NEK9: variants seen among roughly 807,000 people sequenced by gnomAD.
NEK9 encodes the protein NIMA related kinase 9.
A neutral mutation model predicts 123.4 loss-of-function variants in NEK9; 75 were observed. That is an observed-to-expected ratio of 0.61 (90% confidence interval 0.50 to 0.74). The LOEUF (loss-of-function observed/expected upper bound fraction) is 0.74. Among genes scored for constraint, NEK9 ranks in the 30% least tolerant of loss-of-function variants. The probability of loss-of-function intolerance (pLI) is 0.00; values close to 1 mark genes in which losing one functional copy is unlikely to be tolerated. For missense variants in NEK9, 952 were observed against 1,214.4 expected (o/e 0.78, Z 3.21); for synonymous variants, 438 against 458.7 (o/e 0.95, Z 0.58).
At chr14:75,123,942 A>C (rs914993997) in intron 2 of NEK9, 104 bp downstream of exon 2, 2 of 937,812 alleles carry the variant, frequency 2.1e-6, no homozygotes, top group African/African-American at 3.2e-5. Context: ...AAATTCATTT[A>C]AAGTTTTTAT....
intron 1 of NEK9, among the ~76,000 whole-genome samples, chr14:75,124,766 G>A (rs1293014662): frequency 7.0e-6 from 1 of 143,108 alleles, no homozygotes; most frequent in East Asian, 2.2e-4. Context: ...AGCTCCTGAT[G>A]TCTACTATCT....
In NEK9 at chr14:75,106,698, C is replaced by T; in HGVS notation, c.1332G>A (p.Glu444=). The T allele has an allele frequency of 6.2e-7, 1 of 1,607,362 alleles. No homozygotes were observed. The highest frequency in any genetic ancestry group is 1.1e-5 in the South Asian group (1 of 90,674). ...CTGATCCGAAGGCATAGAGCTGACC[C>T]TCATCTGCAAAAGAAAGGAAAACAG... The part of the protein sequence containing the change: ...GDDFTVCVTD[E]GQLYAFGSDY... Residue 444 remains glutamate (E), a synonymous_variant, in exon 12 of 22, where the codon GAG becomes GAA. Transcript: ENST00000238616.
At chr14:75,084,801 G>T in intron 21 of NEK9, 115 bp from the exon 22 acceptor site, 1 of 1,335,874 alleles carries the variant, frequency 7.5e-7, no homozygotes, top group Non-Finnish European at 1.0e-6. Context: ...CGTGGCTAAG[G>T]ATTTGTAGCC....
intron 9 of NEK9, 66 bp downstream of exon 9, chr14:75,110,255 C>T (rs1300957062): frequency 2.4e-6 from 3 of 1,264,640 alleles, no homozygotes; most frequent in African/African-American, 3.0e-5. Flanking sequence ...AATGCCTACA[C>T]TCAAGAAAGA....
At chr14:75,106,308 C>T in intron 12 of NEK9, 194 bp downstream of exon 12, 1 of 604,296 alleles carries the variant, frequency 1.7e-6, no homozygotes, top group South Asian at 2.0e-5. Context: ...GCAATGAGCC[C>T]AGATCATGCC....
chr14:75,105,933 GT>G lies in NEK9; in HGVS notation c.1575+16del, dbSNP rs756448513. ...GACTTAAGATAGGTTTTAGAAATAA[GT>G]TGCTTCTGATTTTACCTTTTGTGGT... On this transcript the variant is annotated intron_variant, in intron 13 of 21. Transcript: ENST00000238616. The G allele has an allele frequency of 6.2e-7, 1 of 1,605,414 alleles. No homozygotes were observed. Among genetic ancestry groups the G allele is most frequent in the South Asian group, 1.1e-5 (1 of 90,892 alleles).
intron 17 of NEK9, among the ~76,000 whole-genome samples, chr14:75,095,777 C>T (rs531420215): frequency 6.6e-6 from 1 of 152,200 alleles, no homozygotes; most frequent in African/African-American, 2.4e-5. Context: ...GTAGTCCCAG[C>T]TACTTGGGAG....
At position 75,087,970 on chromosome 14, in the gene NEK9, TGTCTAAAATG is replaced by T. The variant is rs1346682742; in HGVS notation, c.2604+500_2604+509del. ...TTGCAAAAGAGGCTGTACACATTTC[TGTCTAAAATG>T]GTCTAAAATAATTACTATGTGGCCT... On this transcript the variant is annotated intron_variant, in intron 20 of 21. Coordinates refer to ENST00000238616, the MANE Select transcript of NEK9 (RefSeq NM_033116.6). Among the ~76,000 whole-genome samples, 11 of 152,016 alleles carry T rather than the reference TGTCTAAAATG, an allele frequency of 7.2e-5. No individual in the cohort carries two copies. In the South Asian group the frequency reaches 2.1e-3, roughly 29 times the overall value.
chr14:75,088,570 A>G lies in NEK9; in HGVS notation c.2514T>C (p.Ser838=). ...PSPLSAAFSE[S]EKDTLPYEEL... is the part of the protein sequence containing the mutation. ...CTTCATAGGGCAGGGTATCTTTCTCAGATTCTGAAAACGCTGCACTGAGAG... is the reference window on the plus strand; with the variant it reads ...CTTCATAGGGCAGGGTATCTTTCTCGGATTCTGAAAACGCTGCACTGAGAG... Residue 838 remains serine (S), a synonymous_variant, in exon 20 of 22, where the codon TCT becomes TCC. Transcript: ENST00000238616. The G allele has an allele frequency of 1.2e-6, 2 of 1,614,074 alleles. No homozygotes were observed. Among genetic ancestry groups the G allele is most frequent in the Non-Finnish European group, 1.7e-6 (2 of 1,179,996 alleles).
intron 13 of NEK9, among the ~76,000 whole-genome samples, chr14:75,105,544 C>CTATTAATATTTCATCTGG (rs1894742133): frequency 6.6e-6 from 1 of 152,196 alleles, no homozygotes; most frequent in East Asian, 1.9e-4. Flanking sequence ...ACAAAAACAA[C>CTATTAATATTTCATCTGG]TATTAATATT....
At chr14:75,126,205 CT>C (rs1387542268) in intron 1 of NEK9, among the ~76,000 whole-genome samples, 2 of 152,208 alleles carry the variant, frequency 1.3e-5, no homozygotes, top group Admixed American at 6.5e-5. Context: ...TGAGTGATCA[CT>C]GCTGAACTTA....
chr14:75,105,847 G>C (rs1031910903), intron 13 of NEK9, 103 bp downstream of exon 13: 1 of 909,530 alleles, frequency 1.1e-6, no homozygotes, highest in African/African-American at 1.7e-5. Flanking sequence ...GAAACACTTC[G>C]GAAATAAATA....
At position 75,086,859 on chromosome 14, in the gene NEK9, T is replaced by C. The variant is rs138402173; in HGVS notation, c.2817+159A>G. Reference sequence around the variant, plus strand: ...AGGCGGAGGTTGCAGTAAGCCAAGATAGCACCACTGCACTCTGGCCTGGCA... The same window carrying C: ...AGGCGGAGGTTGCAGTAAGCCAAGACAGCACCACTGCACTCTGGCCTGGCA... On this transcript the variant is annotated intron_variant, in intron 21 of 21. Coordinates refer to ENST00000238616, the MANE Select transcript of NEK9 (RefSeq NM_033116.6). 1.2e-4 allele frequency: 87 copies of C among 697,148 alleles called. 1 individual carries two copies. In the African/African-American group the frequency reaches 1.3e-3, roughly 10 times the overall value. The allele number at this position is 697,148 out of a possible 1,614,324, so 43.2% of individuals were successfully genotyped here. A position where few individuals can be genotyped will look rare whatever the true frequency, so the allele number is the denominator to read the frequency against.
In NEK9 at chr14:75,118,905, G is replaced by A; in HGVS notation, c.555C>T (p.Thr185=). 1.2e-6 allele frequency: 2 copies of A among 1,603,346 alleles called. No homozygotes were observed. The highest frequency in any genetic ancestry group is 1.7e-6 in the Non-Finnish European group (2 of 1,170,936). Residue 185 remains threonine, a synonymous_variant, in exon 5 of 22, where the codon ACC becomes ACT. Transcript: ENST00000238616. ...RDIKTLNIFL[T]KANLIKLGDY... is the part of the protein sequence containing the mutation. ...CTCCAAGTTTTATCAGGTTTGCCTTGGTCAGAAAAATATTTAATGTCTTTA... is the reference window on the plus strand; with the variant it reads ...CTCCAAGTTTTATCAGGTTTGCCTTAGTCAGAAAAATATTTAATGTCTTTA...
At chr14:75,125,018 G>A (rs1895474878) in intron 1 of NEK9, among the ~76,000 whole-genome samples, 2 of 149,880 alleles carry the variant, frequency 1.3e-5, no homozygotes, top group African/African-American at 2.5e-5. Context: ...CAAGCGACCC[G>A]ACCACCTTGG....
chr14:75,127,101 G>A, upstream of NEK9: 1 of 547,682 alleles, frequency 1.8e-6, no homozygotes, highest in East Asian at 3.5e-5. Flanking sequence ...GCCTGGCTGA[G>A]TTTCCTCCGC....
chr14:75,106,542 T>C lies in NEK9; in HGVS notation c.1488A>G (p.Thr496=). The part of the protein sequence containing the change: ...SCGDNHVVVL[T]RNKEVYSWGC... ...CCCAAGAATAGACTTCCTTGTTTCG[T>C]GTCAGAACCACCACATGATTATCTC... Residue 496 remains threonine (T), a synonymous_variant, in exon 12 of 22, where the codon ACA becomes ACG. Transcript: ENST00000238616. 6.2e-7 allele frequency: 1 copy of C among 1,614,076 alleles called. No homozygotes were observed. Among genetic ancestry groups the C allele is most frequent in the Non-Finnish European group, 8.5e-7 (1 of 1,180,020 alleles).
chr14:75,091,065 G>C (rs1472789029), intron 19 of NEK9, among the ~76,000 whole-genome samples: 1 of 150,884 alleles, frequency 6.6e-6, no homozygotes, highest in East Asian at 1.9e-4. Context: ...TAAGTAACAA[G>C]GGTATGAGAA....
intron 11 of NEK9, 123 bp downstream of exon 11, chr14:75,107,220 C>T (rs1168715629): frequency 9.8e-7 from 1 of 1,017,008 alleles, no homozygotes; most frequent in African/African-American, 1.6e-5. Context: ...AGTATATTTG[C>T]TCAAGGTCCT....
Sources: allele counts gnomAD v4.1 joint callset (sites outside exome capture counted in the v4.1 genomes callset), GRCh38; gene constraint gnomAD v4.1.1; transcripts MANE v1.5; gene names NCBI Gene and HGNC (gene_info 2026-07-23, HGNC 2026-07-21).